Variants in AGBL4 observed in about 807,000 individuals in gnomAD.
AGBL4 encodes the protein cytosolic carboxypeptidase 6.
Under a neutral mutation model 66.4 loss-of-function variants are expected in AGBL4, and 58 were observed. The observed-to-expected ratio is 0.87, with a 90% CI of 0.71 to 1.09. The LOEUF is 1.09. AGBL4 is among the 50% of genes least tolerant of loss of function. The pLI is 0.00. For missense variants in AGBL4, 579 were observed against 631.0 expected (o/e 0.92, Z 0.88); for synonymous variants, 234 against 222.9 (o/e 1.05, Z -0.44).
chr1:49,296,976 T>C (rs962619278), intron 3 of AGBL4, among the ~76,000 whole-genome samples: 2 of 152,218 alleles, frequency 1.3e-5, no homozygotes, highest in African/African-American at 4.8e-5. Context: ...CCCAATATCT[T>C]ACTGTAAGTA....
chr1:49,019,644 CA>C (rs1374509310), intron 5 of AGBL4, among the ~76,000 whole-genome samples: 9 of 152,112 alleles, frequency 5.9e-5, no homozygotes, highest in African/African-American at 2.2e-4. Context: ...TTCAGGATAA[CA>C]AAAACAAACA....
At chr1:49,358,233 T>G (rs1200292168) in intron 3 of AGBL4, among the ~76,000 whole-genome samples, 1 of 152,130 alleles carries the variant, frequency 6.6e-6, no homozygotes, top group Admixed American at 6.6e-5. Flanking sequence ...AAAGCATTCT[T>G]ACACATACAC....
intron 3 of AGBL4, among the ~76,000 whole-genome samples, chr1:49,261,096 C>A (rs925636184): frequency 5.9e-5 from 9 of 152,030 alleles, no homozygotes; most frequent in Non-Finnish European, 1.2e-4. Flanking sequence ...AGTCCTTTGA[C>A]AAAATTCAAC....
chr1:49,627,095 T>C (rs934607737), intron 3 of AGBL4, among the ~76,000 whole-genome samples: 1 of 152,120 alleles, frequency 6.6e-6, no homozygotes, highest in African/African-American at 2.4e-5. Context: ...GGGTTAGGGC[T>C]ACAAGTCAAA....
At chr1:49,348,849 G>A (rs1645692750) in intron 3 of AGBL4, among the ~76,000 whole-genome samples, 1 of 152,188 alleles carries the variant, frequency 6.6e-6, no homozygotes, top group Non-Finnish European at 1.5e-5. Flanking sequence ...GTCTGCCACA[G>A]GACAAGGCAT....
At chr1:48,770,618 C>A (rs1644767588) in intron 6 of AGBL4, among the ~76,000 whole-genome samples, 1 of 152,204 alleles carries the variant, frequency 6.6e-6, no homozygotes, top group African/African-American at 2.4e-5. Context: ...GAACCTCAGA[C>A]CACATGCCTA....
chr1:49,995,049 C>A (rs1455660547), intron 1 of AGBL4: 7 of 445,402 alleles, frequency 1.6e-5, no homozygotes, highest in South Asian at 1.1e-4. Context: ...GGGAGAGATG[C>A]CACTAGAATT....
At chr1:49,817,998 G>T (rs1271266903) in intron 2 of AGBL4, among the ~76,000 whole-genome samples, 1 of 152,074 alleles carries the variant, frequency 6.6e-6, no homozygotes, top group Non-Finnish European at 1.5e-5. Context: ...GTTGTCAGGA[G>T]AAAATATAAA....
At chr1:49,636,445 C>G (rs1645674137) in intron 3 of AGBL4, among the ~76,000 whole-genome samples, 1 of 152,142 alleles carries the variant, frequency 6.6e-6, no homozygotes, top group Admixed American at 6.5e-5. Flanking sequence ...CTCCAAATAT[C>G]CTCACTTTAG....
intron 6 of AGBL4, among the ~76,000 whole-genome samples, chr1:48,837,473 GC>G (rs147156240): frequency 0.012 from 1,748 of 151,784 alleles, 30 homozygotes; most frequent in African/African-American, 0.04. Context: ...AGGATATAAA[GC>G]AGGCAGAAAA....
At chr1:49,148,653 G>T (rs542320614) in intron 4 of AGBL4, among the ~76,000 whole-genome samples, 1 of 152,338 alleles carries the variant, frequency 6.6e-6, no homozygotes, top group South Asian at 2.1e-4. Context: ...CTGGTCACTA[G>T]ACGTGCCTAA....
intron 3 of AGBL4, among the ~76,000 whole-genome samples, chr1:49,331,361 G>A (rs1031639284): frequency 1.3e-5 from 2 of 152,078 alleles, no homozygotes; most frequent in Non-Finnish European, 2.9e-5. Context: ...GCCAGCCACC[G>A]GACACAGGGT....
At chr1:48,894,074 C>T (rs1651269022) in intron 5 of AGBL4, among the ~76,000 whole-genome samples, 1 of 152,166 alleles carries the variant, frequency 6.6e-6, no homozygotes, top group East Asian at 1.9e-4. Context: ...AAAATACTTC[C>T]GTAGCTTTTG....
chr1:49,621,358 T>C (rs370372251), intron 3 of AGBL4, among the ~76,000 whole-genome samples: 5 of 152,150 alleles, frequency 3.3e-5, no homozygotes, highest in South Asian at 2.1e-4. Flanking sequence ...TTTGTCCCGA[T>C]TGGCTATCAA....
At chr1:49,121,978 C>T (rs1645663673) in intron 4 of AGBL4, among the ~76,000 whole-genome samples, 1 of 152,246 alleles carries the variant, frequency 6.6e-6, no homozygotes, top group Admixed American at 6.5e-5. Flanking sequence ...GCTGCGCTAG[C>T]AGTGAGCAAG....
intron 6 of AGBL4, among the ~76,000 whole-genome samples, chr1:48,816,077 GTGTGTGTGTGTGTGT>G (rs1570739207): frequency 6.7e-6 from 1 of 150,106 alleles, no homozygotes; most frequent in Admixed American, 6.7e-5. Context: ...GTGTGTGTGT[GTGTGTGTGTGTGTGT>G]AGAGAGAAAG....
Position 49,588,122 on chromosome 1 carries a change from T to A in AGBL4, c.282+109191A>T, listed in dbSNP as rs139899455. Among the ~76,000 whole-genome samples, 1,230 of 152,290 alleles carry A rather than the reference T, an allele frequency of 8.1e-3. 9 individuals carry two copies. Among genetic ancestry groups the A allele is most frequent in the Non-Finnish European group, 0.013 (872 of 68,030 alleles). On this transcript the variant is annotated intron_variant, in intron 3 of 13. Transcript: ENST00000371839. ...TTATTTCCCAAGCACATTAAGCTGT[T>A]CCAGGCCACTATGTCTCTCCTTACA...
intron 1 of AGBL4, among the ~76,000 whole-genome samples, chr1:49,904,340 C>T (rs376782733): frequency 6.6e-6 from 1 of 152,058 alleles, no homozygotes; most frequent in South Asian, 2.1e-4. Flanking sequence ...TATTTAAACT[C>T]AAAAATACAT....
intron 5 of AGBL4, among the ~76,000 whole-genome samples, chr1:48,888,758 A>G (rs1650622343): frequency 6.6e-6 from 1 of 152,222 alleles, no homozygotes; most frequent in Admixed American, 6.5e-5. Flanking sequence ...GCATTTTGGA[A>G]TACAAGCTCA....
Sources: gnomAD v4.1 joint callset for allele counts (sites outside exome capture counted in the v4.1 genomes callset) on GRCh38, gnomAD v4.1.1 for gene constraint, MANE v1.5 for transcripts, NCBI Gene and HGNC (gene_info 2026-07-23, HGNC 2026-07-21) for gene names.